Variants in HPGD observed in about 807,000 individuals in gnomAD.
The protein encoded by HPGD is 15-hydroxyprostaglandin dehydrogenase, also known as 15-hydroxyprostaglandin dehydrogenase [NAD(+)].
In HPGD, 29 loss-of-function variants were observed where a neutral mutation model predicts 30.0. The observed-to-expected ratio is 0.97, with a 90% CI of 0.72 to 1.32. The LOEUF (loss-of-function observed/expected upper bound fraction) is 1.32. HPGD is among the 40% of genes most tolerant of loss of function. The pLI, the probability that HPGD is intolerant of heterozygous loss-of-function variation, is 0.00. For synonymous variants in HPGD, 99 were observed against 112.4 expected (o/e 0.88, Z 0.75); for missense variants, 340 against 322.1 (o/e 1.06, Z -0.43).
rs45557841 is a variant in HPGD, at chr4:174,521,102, A to C, written c.217+842T>G. Among the ~76,000 whole-genome samples, 267 of 152,128 alleles carry C rather than the reference A, an allele frequency of 1.8e-3. 3 individuals carry two copies. Among genetic ancestry groups the C allele is most frequent in the African/African-American group, 5.7e-3 (238 of 41,482 alleles). On this transcript the variant is annotated intron_variant, in intron 2 of 6. Coordinates refer to ENST00000296522, the MANE Select transcript of HPGD (RefSeq NM_000860.6). ...CCCCTTGATTAAAAAGTGCCTTACAATTTACTCAGTCTCTTTGAATAAAAC... is the reference window on the plus strand; with the variant it reads ...CCCCTTGATTAAAAAGTGCCTTACACTTTACTCAGTCTCTTTGAATAAAAC...
intron 1 of HPGD, 86 bp downstream of exon 1, chr4:174,522,273 C>T (rs1579311274): frequency 2.1e-6 from 3 of 1,415,990 alleles, no homozygotes; most frequent in Non-Finnish European, 2.9e-6. Flanking sequence ...CGCGGCCTCC[C>T]TGTCTCCGCC....
chr4:174,502,667 G>T (rs1389091033), intron 4 of HPGD, among the ~76,000 whole-genome samples: 3 of 98,110 alleles, frequency 3.1e-5, no homozygotes, highest in Non-Finnish European at 5.6e-5. Context: ...GACAGAGCGA[G>T]ACTCCGTCTC....
chr4:174,504,580 G>A (rs1261859715), intron 4 of HPGD, among the ~76,000 whole-genome samples: 1 of 152,002 alleles, frequency 6.6e-6, no homozygotes, highest in African/African-American at 2.4e-5. Flanking sequence ...GGCTGAGGCA[G>A]GCAGATCACC....
chr4:174,505,521 A>C (rs145683102), intron 4 of HPGD, among the ~76,000 whole-genome samples: 1 of 152,228 alleles, frequency 6.6e-6, no homozygotes, highest in East Asian at 1.9e-4. Context: ...TGAGGGAATG[A>C]TGAAGACGGA....
chr4:174,514,523 A>G (rs1424780432), intron 3 of HPGD, among the ~76,000 whole-genome samples: 2 of 152,146 alleles, frequency 1.3e-5, no homozygotes, highest in Non-Finnish European at 2.9e-5. Context: ...AAAATCCTCA[A>G]CAACATAGGC....
chr4:174,506,267 CA>C (rs1252100214), intron 4 of HPGD, among the ~76,000 whole-genome samples: 3 of 152,102 alleles, frequency 2.0e-5, no homozygotes, highest in Non-Finnish European at 4.4e-5. Context: ...TCAAATGGGG[CA>C]AAAGCTTAAG....
chr4:174,518,950 A>G (rs1378909377), intron 2 of HPGD, among the ~76,000 whole-genome samples: 1 of 152,168 alleles, frequency 6.6e-6, no homozygotes, highest in Admixed American at 6.5e-5. Flanking sequence ...TACATGACGG[A>G]AATATATTCT....
At chr4:174,498,452 T>C (rs1264396439) in intron 4 of HPGD, among the ~76,000 whole-genome samples, 3 of 152,130 alleles carry the variant, frequency 2.0e-5, no homozygotes, top group African/African-American at 4.8e-5. Context: ...ATAATGAACA[T>C]GTCCATCACC....
chr4:174,519,218 ATT>A (rs111659072), intron 2 of HPGD, among the ~76,000 whole-genome samples: 1 of 146,200 alleles, frequency 6.8e-6, no homozygotes, highest in Non-Finnish European at 1.5e-5. Context: ...TTTTTCATGG[ATT>A]TTTTTTTTTT....
chr4:174,502,350 TAA>T (rs1159042567), intron 4 of HPGD, among the ~76,000 whole-genome samples: 1 of 152,174 alleles, frequency 6.6e-6, no homozygotes, highest in Non-Finnish European at 1.5e-5. Context: ...TGGGTGCCAT[TAA>T]GTTATGCTTT....
intron 2 of HPGD, among the ~76,000 whole-genome samples, chr4:174,519,857 G>A (rs1456709875): frequency 6.6e-6 from 1 of 152,120 alleles, no homozygotes; most frequent in East Asian, 1.9e-4. Context: ...CCTGTTTGGT[G>A]GTCTCTTCAC....
At chr4:174,499,546 T>A (rs1229945351) in intron 4 of HPGD, among the ~76,000 whole-genome samples, 2 of 152,208 alleles carry the variant, frequency 1.3e-5, no homozygotes, top group African/African-American at 4.8e-5. Context: ...TGCCTTGCAT[T>A]GTCTCCACTT....
At chr4:174,501,005 C>T (rs545580654) in intron 4 of HPGD, among the ~76,000 whole-genome samples, 1 of 152,236 alleles carries the variant, frequency 6.6e-6, no homozygotes, top group Non-Finnish European at 1.5e-5. Flanking sequence ...GATTTCTGAA[C>T]CTTGGCAAAC....
rs1011610163 is a variant in HPGD, at chr4:174,496,206, T to A, written c.422-582A>T. Among the ~76,000 whole-genome samples the A allele has an allele frequency of 2.0e-5, 3 of 152,248 alleles. No homozygotes were observed. The highest frequency in any genetic ancestry group is 4.4e-5 in the Non-Finnish European group (3 of 68,040). ...ATCTATTGTAGATGCCTAGATCTTT[T>A]TGTCCTATGACTTAGGAAGATAGAA... On this transcript the variant is annotated intron_variant, in intron 4 of 6. Coordinates refer to ENST00000296522, the MANE Select transcript of HPGD (RefSeq NM_000860.6). This position sits in a 1 kb window ranked among gnomAD's most constrained non-coding sequence, Gnocchi z 4.6.
upstream of HPGD, chr4:174,522,814 G>C (rs1736235855): frequency 5.3e-6 from 1 of 187,594 alleles, no homozygotes; most frequent in South Asian, 1.7e-4. Flanking sequence ...GAAGGAGAGC[G>C]GAGCAGAGGC....
chr4:174,511,136 C>A (rs1040678004), intron 3 of HPGD, among the ~76,000 whole-genome samples: 1 of 151,218 alleles, frequency 6.6e-6, no homozygotes, highest in Admixed American at 6.6e-5. Flanking sequence ...ATTATAGAGT[C>A]AAGACTGGAT....
rs1734399731 is a variant in HPGD at position 174,492,750 on chromosome 4, G to A, written c.662+401C>T. Among the ~76,000 whole-genome samples the A allele has an allele frequency of 6.6e-6, 1 of 152,002 alleles. No homozygotes were observed. The highest frequency in any genetic ancestry group is 6.6e-5 in the Admixed American group (1 of 15,252). On this transcript the variant is annotated intron_variant, in intron 6 of 6. Coordinates refer to ENST00000296522, the MANE Select transcript of HPGD (RefSeq NM_000860.6). This position sits in a 1 kb window ranked among gnomAD's most constrained non-coding sequence, Gnocchi z 4.9. ...TGCTTGAATTCAGACATAATTCACT[G>A]AGAAAGTATGTGTCCATGTATGTGT...
intron 3 of HPGD, among the ~76,000 whole-genome samples, chr4:174,513,805 T>C (rs1735636371): frequency 1.3e-5 from 2 of 151,878 alleles, no homozygotes; most frequent in African/African-American, 4.8e-5. Context: ...ATAGAATAGA[T>C]TAAAAAATCA....
At chr4:174,504,266 T>C (rs533422594) in intron 4 of HPGD, among the ~76,000 whole-genome samples, 8 of 152,322 alleles carry the variant, frequency 5.3e-5, no homozygotes, top group Non-Finnish European at 8.8e-5. Context: ...ATAAAACTTA[T>C]AGCACAAGCA....
Sources: allele counts gnomAD v4.1 joint callset (sites outside exome capture counted in the v4.1 genomes callset), GRCh38; gene constraint gnomAD v4.1.1; non-coding constraint Gnocchi (gnomAD v3.1); transcripts MANE v1.5; gene names NCBI Gene and HGNC (gene_info 2026-07-23, HGNC 2026-07-21).